The following KIR2DL1 variants were observed in gnomAD, a reference collection of about 807,000 sequenced individuals.
KIR2DL1 encodes killer cell immunoglobulin-like receptor 2DL1.
Under a neutral mutation model 33.9 loss-of-function variants are expected in KIR2DL1, and 38 were observed. The observed-to-expected ratio is 1.12, with a 90% confidence interval of 0.86 to 1.47. The LOEUF is 1.47. KIR2DL1 is among the 40% of genes most tolerant of loss of function. The probability of loss-of-function intolerance (pLI) is 0.00; values close to 1 mark genes in which losing one functional copy is unlikely to be tolerated. For missense variants in KIR2DL1, 531 were observed against 433.9 expected (o/e 1.22, Z -1.99); for synonymous variants, 179 against 165.9 (o/e 1.08, Z -0.61).
In KIR2DL1 at chr19:54,783,808, C is replaced by G; in HGVS notation, c.1042C>G (p.Pro348Ala). Reference protein sequence around the residue: ...AESRSKVVSCP With the variant: ...AESRSKVVSCA ...GTCCAGATCCAAAGTTGTCTCCTGC[C>G]CATGAGCACCACAGTCAGGCCTTGA... The change falls in exon 8 of 8, where the codon CCA becomes GCA. Residue 348 changes from proline (P) to alanine (A), a missense_variant. Physicochemically the swap from Pro to Ala is conservative, Grantham distance 27. Transcript: ENST00000336077. 6 of 1,613,986 alleles carry G rather than the reference C, an allele frequency of 3.7e-6. No individual in the cohort carries two copies. The highest frequency in any genetic ancestry group is 5.1e-6 in the Non-Finnish European group (6 of 1,179,950).
chr19:54,772,592 C>T (rs1428718759), intron 2 of KIR2DL1, among the ~76,000 whole-genome samples: 2 of 145,918 alleles, frequency 1.4e-5, no homozygotes, highest in Middle Eastern at 3.2e-3. Flanking sequence ...GTAATCCTAG[C>T]GACTTGGGAG....
Position 54,776,491 on chromosome 19 carries a change from G to C in KIR2DL1, c.664+1033G>C, listed in dbSNP as rs1413207186. On this transcript the variant is annotated intron_variant, in intron 4 of 7. Coordinates refer to ENST00000336077, the MANE Select transcript of KIR2DL1 (RefSeq NM_014218.3). The stretch of plus-strand genomic sequence containing the variant: ...CTCTCTATCCATTCACCCACTGATG[G>C]GCAGGTAGGTTGACTCCTCATCTTG... Among the ~76,000 whole-genome samples the C allele has an allele frequency of 3.4e-5, 5 of 146,768 alleles. No homozygotes were observed. The Admixed American group carries it at 3.5e-4, about 10-fold the overall frequency.
Position 54,777,640 on chromosome 19 carries a change from T to C in KIR2DL1, c.665-972T>C, listed in dbSNP as rs576115239. Among the ~76,000 whole-genome samples, 5 of 147,984 alleles carry C rather than the reference T, an allele frequency of 3.4e-5. No individual in the cohort carries two copies. In the South Asian group the frequency reaches 6.4e-4, roughly 19 times the overall value. ...GTGGGTTGTCTCTTCACTTTGTTGG[T>C]TTATTTTTAGCAGTGCTGAAGTTGC... On this transcript the variant is annotated intron_variant, in intron 4 of 7. Coordinates refer to ENST00000336077, the MANE Select transcript of KIR2DL1 (RefSeq NM_014218.3).
At chr19:54,770,295 G>C (rs1449151710) in intron 1 of KIR2DL1, among the ~76,000 whole-genome samples, 1 of 144,174 alleles carries the variant, frequency 6.9e-6, no homozygotes, top group East Asian at 2.0e-4. Flanking sequence ...GCCAGGAGTG[G>C]AGATATGGGC....
chr19:54,772,864 C>T (rs368507891), intron 2 of KIR2DL1, among the ~76,000 whole-genome samples: 4,989 of 125,966 alleles, frequency 0.04, no homozygotes, highest in Middle Eastern at 0.058. Flanking sequence ...TGGAAGCTGG[C>T]ACTGGCATGG....
chr19:54,769,917 G>C, intron 1 of KIR2DL1, 33 bp downstream of exon 1: 1 of 1,552,834 alleles, frequency 6.4e-7, no homozygotes, highest in Non-Finnish European at 8.8e-7. Context: ...GGGAGGGAGT[G>C]AGGGGATGGA....
intron 3 of KIR2DL1, 92 bp from the exon 4 acceptor site, chr19:54,775,073 G>T: frequency 1.4e-6 from 2 of 1,406,740 alleles, no homozygotes; most frequent in Non-Finnish European, 1.9e-6. Context: ...AGAGCATTAG[G>T]TCATAGAACA....
At chr19:54,770,783 G>C in intron 1 of KIR2DL1, 66 bp from the exon 2 acceptor site, 1 of 1,559,926 alleles carries the variant, frequency 6.4e-7, no homozygotes, top group South Asian at 1.1e-5. Context: ...TCACAGCCCA[G>C]TGGGGGCAGC....
chr19:54,782,989 C>G lies in KIR2DL1; in HGVS notation c.783C>G (p.Phe261Leu), dbSNP rs1407675802. ...SVVIILFILLFFLLHRWCSNK... is the reference protein window; with the variant it reads ...SVVIILFILLLFLLHRWCSNK... The stretch of plus-strand genomic sequence containing the variant: ...TCATCATCCTCTTCATCCTCCTCTT[C>G]TTTCTCCTTCATCGCTGGTGCTCCA... The change falls in exon 6 of 8, where the codon TTC (phenylalanine) becomes TTG (leucine). Residue 261 changes from phenylalanine to leucine, a missense_variant. Coordinates refer to ENST00000336077, the MANE Select transcript of KIR2DL1 (RefSeq NM_014218.3). 2 of 1,613,672 alleles carry G rather than the reference C, an allele frequency of 1.2e-6. No individual in the cohort carries two copies. The highest frequency in any genetic ancestry group is 1.3e-5 in the African/African-American group (1 of 74,888).
rs1305582837 is a variant in KIR2DL1 at position 54,783,855 on chromosome 19, C to T, written c.*42C>T. 9 of 1,613,526 alleles carry T rather than the reference C, an allele frequency of 5.6e-6. No individual in the cohort carries two copies. Among genetic ancestry groups the T allele is most frequent in the Admixed American group, 3.3e-5 (2 of 60,004 alleles). ...TTGAGGGCGTCTTCTAGGGAGACAACAGCCCTGTCTCAAAACCGGGTTGCC... is the reference window on the plus strand; with the variant it reads ...TTGAGGGCGTCTTCTAGGGAGACAATAGCCCTGTCTCAAAACCGGGTTGCC... On this transcript the variant is annotated 3_prime_UTR_variant, in exon 8 of 8. Coordinates refer to ENST00000336077, the MANE Select transcript of KIR2DL1 (RefSeq NM_014218.3).
At chr19:54,773,674 A>T in intron 3 of KIR2DL1, 42 bp downstream of exon 3, 1 of 1,526,764 alleles carries the variant, frequency 6.5e-7, no homozygotes, top group Non-Finnish European at 9.0e-7. Flanking sequence ...ATTGGGATGC[A>T]GAGTGAATGA....
intron 4 of KIR2DL1, among the ~76,000 whole-genome samples, chr19:54,776,911 G>A (rs1226879217): frequency 2.7e-5 from 4 of 147,626 alleles, no homozygotes; most frequent in African/African-American, 7.5e-5. Flanking sequence ...CAAAGTGCCG[G>A]GATTACAGGC....
chr19:54,777,682 C>T lies in KIR2DL1; in HGVS notation c.665-930C>T, dbSNP rs555420559. 7.5e-5 allele frequency among the ~76,000 whole-genome samples: 11 copies of T among 145,760 alleles called. 1 individual carries two copies. Among genetic ancestry groups the T allele is most frequent in the Non-Finnish European group, 1.4e-4 (9 of 65,632 alleles). ...TGAAGTTGCTTAGTTTGAGGTAATC[C>T]CAATGGTCTATTTTTGCTTCGATTA... On this transcript the variant is annotated intron_variant, in intron 4 of 7. Coordinates refer to ENST00000336077, the MANE Select transcript of KIR2DL1 (RefSeq NM_014218.3).
chr19:54,777,684 A>G (rs2076508495), intron 4 of KIR2DL1, among the ~76,000 whole-genome samples: 3 of 146,216 alleles, frequency 2.1e-5, no homozygotes, highest in African/African-American at 7.6e-5. Context: ...AGGTAATCCC[A>G]ATGGTCTATT....
chr19:54,773,851 A>T (rs591615), intron 3 of KIR2DL1, among the ~76,000 whole-genome samples: 46,350 of 145,314 alleles, frequency 0.32, 6,727 homozygotes, highest in South Asian at 0.44. Flanking sequence ...ACCGGGAGTT[A>T]GAAAAGACAG....
In KIR2DL1 at chr19:54,774,027, G is replaced by A. The variant is rs978672050; in HGVS notation, c.370+395G>A. Among the ~76,000 whole-genome samples the A allele has an allele frequency of 6.7e-5, 10 of 148,714 alleles. 1 individual carries two copies. Among genetic ancestry groups the A allele is most frequent in the Non-Finnish European group, 1.5e-4 (10 of 66,326 alleles). ...AAGGACACCCATATTTCTGACCTGA[G>A]TTGGGCCCTGTGGCCTCAGGCCTTG... is the stretch of plus-strand genomic sequence containing the variant. On this transcript the variant is annotated intron_variant, in intron 3 of 7. Coordinates refer to ENST00000336077, the MANE Select transcript of KIR2DL1 (RefSeq NM_014218.3).
chr19:54,776,555 G>C (rs780516276), intron 4 of KIR2DL1, among the ~76,000 whole-genome samples: 1 of 146,532 alleles, frequency 6.8e-6, no homozygotes, highest in East Asian at 1.9e-4. Flanking sequence ...TACGAGTGCA[G>C]ATATCACTTC....
chr19:54,780,597 G>T (rs2365224), intron 5 of KIR2DL1, among the ~76,000 whole-genome samples: 2,437 of 109,106 alleles, frequency 0.022, 6 homozygotes, highest in African/African-American at 0.036. Context: ...GGAGGCCCAG[G>T]TGCATAACTG....
chr19:54,772,895 T>C (rs185518031), intron 2 of KIR2DL1, among the ~76,000 whole-genome samples: 9,745 of 115,962 alleles, frequency 0.084, 363 homozygotes, highest in Non-Finnish European at 0.11. Flanking sequence ...TCCCAGTCCC[T>C]ACCAGGAACA....
Sources: allele counts gnomAD v4.1 joint callset (sites outside exome capture counted in the v4.1 genomes callset), GRCh38; gene constraint gnomAD v4.1.1; transcripts MANE v1.5; gene names NCBI Gene and HGNC (gene_info 2026-07-23, HGNC 2026-07-21).